The following GRIK3 variants were observed in gnomAD, a reference collection of about 807,000 sequenced individuals.
The protein encoded by GRIK3 is glutamate receptor ionotropic, kainate 3.
In GRIK3, 29 loss-of-function variants were observed where a neutral mutation model predicts 102.5. The observed-to-expected ratio is 0.28, with a 90% CI of 0.21 to 0.39. The LOEUF is 0.39. Among genes scored for constraint, GRIK3 ranks in the 10% least tolerant of loss-of-function variants. The probability of loss-of-function intolerance (pLI) is 1.00; values close to 1 mark genes in which losing one functional copy is unlikely to be tolerated. For missense variants in GRIK3, 908 were observed against 1,252.4 expected (o/e 0.73, Z 4.15); for synonymous variants, 511 against 504.9 (o/e 1.01, Z -0.16).
At chr1:36,825,879 C>G (rs182599237) in intron 10 of GRIK3, 53 bp from the exon 11 acceptor site, 47 of 1,302,460 alleles carry the variant, frequency 3.6e-5, no homozygotes, top group Non-Finnish European at 5.0e-5. Context: ...CTCAGAATAG[C>G]GGGAGACAGA....
At position 36,880,484 on chromosome 1, in the gene GRIK3, G is replaced by T. The variant is rs953243812; in HGVS notation, c.550+150C>A. 1.7e-5 allele frequency: 14 copies of T among 802,130 alleles called. No homozygotes were observed. The highest frequency in any genetic ancestry group is 2.7e-5 in the Non-Finnish European group (13 of 479,288). The allele number at this position is 802,130 out of a possible 1,614,324, so 49.7% of individuals were successfully genotyped here. On this transcript the variant is annotated intron_variant, in intron 3 of 15. Transcript: ENST00000373091. The surrounding 1 kb of genome is among the most constrained non-coding windows in gnomAD (Gnocchi z 5.4). ...GCACAGGGTGTGAGTGGGTGCAGGG[G>T]TGAACATCAGCATAACCGAGTGGAA...
intron 1 of GRIK3, among the ~76,000 whole-genome samples, chr1:36,994,989 C>T (rs942516494): frequency 3.3e-5 from 5 of 152,142 alleles, no homozygotes; most frequent in African/African-American, 1.2e-4. Flanking sequence ...AGAGAGCTCA[C>T]ACATGAGACG....
intron 7 of GRIK3, among the ~76,000 whole-genome samples, 161 bp downstream of exon 7, chr1:36,858,947 G>C (rs1037414810): frequency 6.6e-5 from 10 of 152,326 alleles, no homozygotes; most frequent in Middle Eastern, 3.4e-3. Flanking sequence ...GTCCTATGGA[G>C]CCCATTTTCA....
rs146839850 is a variant in GRIK3, at chr1:36,929,382, T to C, written c.116-38286A>G. Among the ~76,000 whole-genome samples, 60 of 152,268 alleles carry C rather than the reference T, an allele frequency of 3.9e-4. No homozygotes were observed. The East Asian group carries it at 0.012, about 29-fold the overall frequency. On this transcript the variant is annotated intron_variant, in intron 1 of 15. Transcript: ENST00000373091. ...TGAATAAATTTAGATATATTTTAGATATATTTTCAACCCCAATAGATCCTG... is the reference window on the plus strand; with the variant it reads ...TGAATAAATTTAGATATATTTTAGACATATTTTCAACCCCAATAGATCCTG...
intron 1 of GRIK3, 33 bp downstream of exon 1, chr1:37,033,961 G>T (rs757797074): frequency 1.3e-5 from 17 of 1,276,634 alleles, no homozygotes; most frequent in Admixed American, 2.0e-5. Flanking sequence ...CCTCCCGGGC[G>T]CACGGAGACC....
intron 10 of GRIK3, among the ~76,000 whole-genome samples, chr1:36,839,358 G>A (rs375525251): frequency 1.3e-4 from 20 of 152,068 alleles, no homozygotes; most frequent in African/African-American, 4.8e-4. Flanking sequence ...ACTCCCTTCC[G>A]TTTATATTGA....
intron 1 of GRIK3, among the ~76,000 whole-genome samples, chr1:36,972,870 C>A (rs1642158996): frequency 6.6e-6 from 1 of 152,132 alleles, no homozygotes; most frequent in Non-Finnish European, 1.5e-5. Context: ...AAGGATGGGG[C>A]AGAACATCTG....
rs60157852 is a variant in GRIK3 at position 36,949,574 on chromosome 1, C to CTT, written c.116-58480_116-58479dup. The stretch of plus-strand genomic sequence containing the variant: ...TTTTTTTCTTTCTCTCTCTCTCTTT[C>CTT]TTTTTTTTTTTTTTTTTTTTTTTGA... On this transcript the variant is annotated intron_variant, in intron 1 of 15. Transcript: ENST00000373091. 6.7e-3 allele frequency among the ~76,000 whole-genome samples: 667 copies of CTT among 99,708 alleles called. 5 individuals carry two copies. Among genetic ancestry groups the CTT allele is most frequent in the East Asian group, 0.011 (40 of 3,738 alleles). 65.4% of individuals were successfully genotyped at this position (99,708 alleles called of 152,430 possible). A position where few individuals can be genotyped will look rare whatever the true frequency, so the allele number is the denominator to read the frequency against.
chr1:36,971,623 G>C (rs55751537), intron 1 of GRIK3, among the ~76,000 whole-genome samples: 39,418 of 152,064 alleles, frequency 0.26, 6,411 homozygotes, highest in African/African-American at 0.46. Flanking sequence ...GGTTATACTT[G>C]GATATCAGAA....
At chr1:36,847,971 T>C (rs1472097192) in intron 9 of GRIK3, among the ~76,000 whole-genome samples, 1 of 152,182 alleles carries the variant, frequency 6.6e-6, no homozygotes, top group East Asian at 1.9e-4. Flanking sequence ...CTGGGCTACC[T>C]AGGAACCAGC....
At position 36,872,280 on chromosome 1, in the gene GRIK3, A is replaced by G. The variant is rs1490884479; in HGVS notation, c.640T>C (p.Ser214Pro). The change falls in exon 4 of 16, where the codon TCG becomes CCG. Residue 214 changes from serine to proline, a missense_variant. Transcript: ENST00000373091. The surrounding 1 kb of genome is among the most constrained non-coding windows in gnomAD (Gnocchi z 5.9). ...TTCATCTCCTTGAGCAAGGGGCGCG[A>G]GTCGTCAGAGTCGATGGGGAGCTGA... ...IRQLPIDSDD[S>P]RPLLKEMKRG... is the part of the protein sequence containing the mutation. 6.2e-7 allele frequency: 1 copy of G among 1,613,194 alleles called. No homozygotes were observed. The highest frequency in any genetic ancestry group is 1.7e-5 in the Admixed American group (1 of 59,876).
At chr1:36,895,185 T>C (rs1434409781) in intron 1 of GRIK3, among the ~76,000 whole-genome samples, 1 of 152,162 alleles carries the variant, frequency 6.6e-6, no homozygotes, top group Non-Finnish European at 1.5e-5. Context: ...AAGGCCTTAT[T>C]TTCAGCAGTT....
chr1:36,812,334 C>T (rs1642571965), intron 13 of GRIK3, among the ~76,000 whole-genome samples: 1 of 152,116 alleles, frequency 6.6e-6, no homozygotes, highest in Non-Finnish European at 1.5e-5. Flanking sequence ...TCCTAAGCCG[C>T]TATCCCTCTC....
chr1:37,022,620 T>C (rs761355320), intron 1 of GRIK3, among the ~76,000 whole-genome samples: 2 of 152,200 alleles, frequency 1.3e-5, no homozygotes, highest in African/African-American at 2.4e-5. Context: ...AAGACCACCA[T>C]AGACAGCATG....
Position 36,871,528 on chromosome 1 carries a change from G to T in GRIK3, c.732+660C>A, listed in dbSNP as rs568629613. 2.0e-5 allele frequency among the ~76,000 whole-genome samples: 3 copies of T among 152,358 alleles called. No homozygotes were observed. In the East Asian group the frequency reaches 5.8e-4, roughly 29 times the overall value. On this transcript the variant is annotated intron_variant, in intron 4 of 15. Coordinates refer to ENST00000373091, the MANE Select transcript of GRIK3 (RefSeq NM_000831.4). ...AAATCAGTTTTTGGTTTCCGCTGTG[G>T]CACCCTTGGAGCGGGTGGTAGGCGA...
chr1:37,016,279 T>C (rs72923882), intron 1 of GRIK3, among the ~76,000 whole-genome samples: 1,757 of 152,274 alleles, frequency 0.012, 32 homozygotes, highest in African/African-American at 0.04. Context: ...GTTCAAGTCT[T>C]AGTGACACCC....
chr1:37,030,556 C>G lies in GRIK3; in HGVS notation c.115+3438G>C, dbSNP rs1045268198. 9.8e-4 allele frequency among the ~76,000 whole-genome samples: 138 copies of G among 140,668 alleles called. 2 individuals carry two copies. Among genetic ancestry groups the G allele is most frequent in the African/African-American group, 3.5e-3 (128 of 36,746 alleles). 92.3% of individuals were successfully genotyped at this position (140,668 alleles called of 152,430 possible). ...CCCCACCCCCCACCCCCTCCCCCCC[C>G]CCAACACCTGCTTTATGTCTCTGCA... On this transcript the variant is annotated intron_variant, in intron 1 of 15. Coordinates refer to ENST00000373091, the MANE Select transcript of GRIK3 (RefSeq NM_000831.4).
intron 1 of GRIK3, among the ~76,000 whole-genome samples, chr1:36,939,141 C>G (rs180713646): frequency 2.5e-4 from 38 of 152,316 alleles, no homozygotes; most frequent in African/African-American, 8.9e-4. Flanking sequence ...CTCTTACTGG[C>G]AATCAAAGCC....
At chr1:36,816,912 A>T in intron 13 of GRIK3, 148 bp downstream of exon 13, 1 of 622,868 alleles carries the variant, frequency 1.6e-6, no homozygotes, top group Non-Finnish European at 2.8e-6. Context: ...AAAGTCAACT[A>T]GTCCAAACAC....
Sources: gnomAD v4.1 joint callset for allele counts (sites outside exome capture counted in the v4.1 genomes callset) on GRCh38, gnomAD v4.1.1 for gene constraint, Gnocchi (gnomAD v3.1) non-coding constraint, MANE v1.5 for transcripts, NCBI Gene and HGNC (gene_info 2026-07-23, HGNC 2026-07-21) for gene names.